Variants in CTNNA2 observed in about 807,000 individuals in gnomAD.
CTNNA2 encodes catenin alpha-2.
Under a neutral mutation model 101.0 loss-of-function variants are expected in CTNNA2, and 42 were observed. The ratio of observed to expected loss-of-function variants is 0.42; its 90% CI spans 0.32 to 0.54. The LOEUF (loss-of-function observed/expected upper bound fraction) is 0.54, where lower values mean the gene tolerates loss of function less well. Among genes scored for constraint, CTNNA2 ranks in the 20% least tolerant of loss-of-function variants. The pLI is 0.14. For missense variants in CTNNA2, 871 were observed against 1,223.1 expected (o/e 0.71, Z 4.29); for synonymous variants, 450 against 456.4 (o/e 0.99, Z 0.18).
chr2:79,231,118 A>G lies in CTNNA2; in HGVS notation c.-406+33042A>G, dbSNP rs148764388. On this transcript the variant is annotated intron_variant, in intron 2 of 21. Transcript: ENST00000466387. ...GACTTTGGGGGACTGTTGGGAAGGC[A>G]TGATGGGTTTTGAAATGTGAGGACA... 3.9e-3 allele frequency among the ~76,000 whole-genome samples: 594 copies of G among 152,264 alleles called. 5 individuals are homozygous for G. The highest frequency in any genetic ancestry group is 0.013 in the African/African-American group (551 of 41,558).
Position 80,009,756 on chromosome 2 carries a change from G to GTGTGTGTGTGTGTGTC in CTNNA2, c.1056+99959_1056+99960insTGTGTGTGTGTGTGTC, listed in dbSNP as rs367758452. 9.4e-5 allele frequency among the ~76,000 whole-genome samples: 14 copies of GTGTGTGTGTGTGTGTC among 148,216 alleles called. 1 individual carries two copies. Among genetic ancestry groups the GTGTGTGTGTGTGTGTC allele is most frequent in the South Asian group, 4.3e-4 (2 of 4,646 alleles). ...TGTGTGTGTGTGTGTGTGTGTCAGA[G>GTGTGTGTGTGTGTGTC]AGAGAGACAGAGAGAGACAGAGATT... On this transcript the variant is annotated intron_variant, in intron 7 of 18. Coordinates refer to ENST00000402739, the MANE Select transcript of CTNNA2 (RefSeq NM_001282597.3).
At chr2:79,976,015 G>A (rs973116927) in intron 7 of CTNNA2, among the ~76,000 whole-genome samples, 2 of 152,102 alleles carry the variant, frequency 1.3e-5, no homozygotes, top group Non-Finnish European at 2.9e-5. Context: ...TTGGTCTTCT[G>A]GTGACCAGCT....
At chr2:79,620,368 G>C (rs948835265) in intron 1 of CTNNA2, among the ~76,000 whole-genome samples, 6 of 152,032 alleles carry the variant, frequency 3.9e-5, no homozygotes, top group African/African-American at 1.4e-4. Flanking sequence ...TCCTTGTCCT[G>C]CTCACTTTTA....
At chr2:80,574,391 A>C in intron 13 of CTNNA2, 77 bp downstream of exon 13, 1 of 1,427,822 alleles carries the variant, frequency 7.0e-7, no homozygotes, top group Non-Finnish European at 9.3e-7. Context: ...CTTATTTATT[A>C]TTTATTTTGT....
In CTNNA2 at chr2:79,522,543, C is replaced by G. The variant is rs77040107; in HGVS notation, c.-6+9336C>G. The stretch of plus-strand genomic sequence containing the variant: ...AAAATCCAGGCTGACACAGAATCAG[C>G]AACTTTGCTTCAGCAATGGATGGGA... On this transcript the variant is annotated intron_variant, in intron 1 of 18. Transcript: ENST00000402739. Among the ~76,000 whole-genome samples, 1,476 of 152,246 alleles carry G rather than the reference C, an allele frequency of 9.7e-3. 26 individuals carry two copies. The highest frequency in any genetic ancestry group is 0.048 in the East Asian group (250 of 5,178).
chr2:79,629,470 G>C (rs1679542652), intron 1 of CTNNA2, among the ~76,000 whole-genome samples: 1 of 152,086 alleles, frequency 6.6e-6, no homozygotes. Context: ...TTAAACCTTT[G>C]CCATCGTGGT....
intron 7 of CTNNA2, among the ~76,000 whole-genome samples, chr2:80,238,481 G>A (rs1485691497): frequency 6.6e-6 from 1 of 152,172 alleles, no homozygotes; most frequent in African/African-American, 2.4e-5. Flanking sequence ...ATGAAGCTGG[G>A]AAAGGGAATG....
At chr2:79,778,367 A>T (rs1674153117) in intron 3 of CTNNA2, among the ~76,000 whole-genome samples, 2 of 152,050 alleles carry the variant, frequency 1.3e-5, no homozygotes, top group Admixed American at 1.3e-4. Context: ...AAAAAGGCTT[A>T]TTCATGACTT....
chr2:79,635,454 A>G (rs1193211129), intron 1 of CTNNA2, among the ~76,000 whole-genome samples: 2 of 151,988 alleles, frequency 1.3e-5, no homozygotes, highest in Non-Finnish European at 1.5e-5. Flanking sequence ...AAAAAGAAAA[A>G]AAAAAGTGAC....
At chr2:80,077,203 G>C (rs1383478292) in intron 7 of CTNNA2, among the ~76,000 whole-genome samples, 1 of 151,984 alleles carries the variant, frequency 6.6e-6, no homozygotes, top group Non-Finnish European at 1.5e-5. Flanking sequence ...AAACAGTTTG[G>C]CAATTTCTTT....
intron 12 of CTNNA2, among the ~76,000 whole-genome samples, chr2:80,557,808 A>G (rs902864319): frequency 6.6e-6 from 1 of 152,160 alleles, no homozygotes; most frequent in African/African-American, 2.4e-5. Flanking sequence ...CATAATTTTC[A>G]CCCAAAGTCT....
At chr2:80,012,321 G>C (rs1277335530) in intron 7 of CTNNA2, among the ~76,000 whole-genome samples, 1 of 152,152 alleles carries the variant, frequency 6.6e-6, no homozygotes, top group Non-Finnish European at 1.5e-5. Context: ...AATGCATTCT[G>C]TCAAGATAAT....
At chr2:79,982,383 T>TAA (rs1269729418) in intron 7 of CTNNA2, among the ~76,000 whole-genome samples, 28 of 135,416 alleles carry the variant, frequency 2.1e-4, no homozygotes, top group African/African-American at 9.3e-4. Flanking sequence ...ATAACATATA[T>TAA]AACATATATA....
At chr2:79,869,531 C>T (rs752578583) in intron 4 of CTNNA2, among the ~76,000 whole-genome samples, 5 of 152,066 alleles carry the variant, frequency 3.3e-5, no homozygotes, top group Admixed American at 1.3e-4. Context: ...ACTTAAAGGT[C>T]GATATCTTTC....
intron 4 of CTNNA2, among the ~76,000 whole-genome samples, chr2:79,403,828 G>GT (rs1181441842): frequency 2.0e-5 from 3 of 151,978 alleles, no homozygotes; most frequent in African/African-American, 7.2e-5. Flanking sequence ...TGATGGGGGT[G>GT]TAATTAACAT....
chr2:79,898,785 C>T (rs951427432), intron 6 of CTNNA2, among the ~76,000 whole-genome samples: 20 of 152,020 alleles, frequency 1.3e-4, no homozygotes, highest in African/African-American at 4.3e-4. Context: ...AGATCATGTC[C>T]AGTGTACAGC....
intron 3 of CTNNA2, among the ~76,000 whole-genome samples, chr2:79,857,007 A>T (rs556672860): frequency 1.4e-4 from 22 of 152,314 alleles, no homozygotes; most frequent in Non-Finnish European, 2.8e-4. Context: ...TGAGGGTAAA[A>T]TCCAAACCTC....
chr2:80,423,425 GTTCAA>G (rs1680710260), intron 9 of CTNNA2, among the ~76,000 whole-genome samples: 1 of 151,976 alleles, frequency 6.6e-6, no homozygotes, highest in Non-Finnish European at 1.5e-5. Context: ...TATATATTGA[GTTCAA>G]TTTTTTTTTA....
chr2:80,554,917 A>T (rs116790354), intron 11 of CTNNA2, among the ~76,000 whole-genome samples: 1,981 of 152,300 alleles, frequency 0.013, 17 homozygotes, highest in Admixed American at 0.019. Flanking sequence ...TTAAAACTGC[A>T]AGGGAATAAA....
Sources: gnomAD v4.1 joint callset for allele counts (sites outside exome capture counted in the v4.1 genomes callset) on GRCh38, gnomAD v4.1.1 for gene constraint, MANE v1.5 for transcripts, NCBI Gene and HGNC (gene_info 2026-07-23, HGNC 2026-07-21) for gene names.